Variants in PTPN9 observed in about 807,000 individuals in gnomAD.
The protein encoded by PTPN9 is tyrosine-protein phosphatase non-receptor type 9.
A neutral mutation model predicts 69.8 loss-of-function variants in PTPN9; 26 were observed. The ratio of observed to expected loss-of-function variants is 0.37; its 90% confidence interval spans 0.27 to 0.52. PTPN9 has a LOEUF of 0.52. Among genes scored for constraint, PTPN9 ranks in the 20% least tolerant of loss-of-function variants. PTPN9 has a pLI of 0.91. For synonymous variants in PTPN9, 274 were observed against 272.5 expected, an observed-to-expected ratio of 1.01 and a Z score of -0.05; for missense variants, 549 against 740.3, an observed-to-expected ratio of 0.74 and a Z score of 3.00.
intron 9 of PTPN9, 44 bp downstream of exon 9, chr15:75,479,804 A>T (rs199786718): frequency 6.7e-7 from 1 of 1,486,604 alleles, no homozygotes; most frequent in African/African-American, 1.4e-5. Flanking sequence ...AGGAATCATA[A>T]GTAGATGGCA....
chr15:75,490,861 A>C (rs2074705496), intron 7 of PTPN9, among the ~76,000 whole-genome samples: 1 of 152,000 alleles, frequency 6.6e-6, no homozygotes. Flanking sequence ...TCCTGACCTC[A>C]TGATCTGCCC....
intron 7 of PTPN9, among the ~76,000 whole-genome samples, chr15:75,503,427 C>A (rs1186518308): frequency 1.4e-5 from 2 of 142,708 alleles, no homozygotes; most frequent in Non-Finnish European, 1.5e-5. Context: ...AAGTGAGGAG[C>A]CCCTCCGCCC....
chr15:75,500,961 T>G (rs942501511), intron 7 of PTPN9, among the ~76,000 whole-genome samples: 28 of 152,184 alleles, frequency 1.8e-4, no homozygotes, highest in African/African-American at 6.7e-4. Context: ...AATAGGGGTC[T>G]GGAGCTGGTA....
chr15:75,539,018 A>AAAAG lies in PTPN9; in HGVS notation c.64-11761_64-11758dup, dbSNP rs140854456. 6.9e-3 allele frequency among the ~76,000 whole-genome samples: 1,047 copies of AAAAG among 152,154 alleles called. 10 individuals are homozygous for AAAAG. Among genetic ancestry groups the AAAAG allele is most frequent in the Non-Finnish European group, 9.5e-3 (646 of 67,998 alleles). ...GACCCAGTCTCTATAAAAAAAATAA[A>AAAAG]AAAGAAAGAAAGAAAGAAAGAAAGA... On this transcript the variant is annotated intron_variant, in intron 1 of 12. Transcript: ENST00000618819.
chr15:75,523,279 T>C, intron 3 of PTPN9, 34 bp from the exon 4 acceptor site: 3 of 1,604,222 alleles, frequency 1.9e-6, no homozygotes, highest in African/African-American at 2.7e-5. Context: ...ATTAAAAAAA[T>C]CAAATAGAAA....
chr15:75,560,431 T>C (rs1466166600), intron 1 of PTPN9, among the ~76,000 whole-genome samples: 1 of 152,200 alleles, frequency 6.6e-6, no homozygotes, highest in African/African-American at 2.4e-5. Flanking sequence ...GCCTCCTTAG[T>C]GAGGCAAATG....
chr15:75,535,218 G>A lies in PTPN9; in HGVS notation c.64-7957C>T, dbSNP rs1000756343. Among the ~76,000 whole-genome samples, 21 of 152,048 alleles carry A rather than the reference G, an allele frequency of 1.4e-4. No individual in the cohort carries two copies. In the South Asian group the frequency reaches 1.5e-3, roughly 11 times the overall value. On this transcript the variant is annotated intron_variant, in intron 1 of 12. Transcript: ENST00000618819. ...TCACTATGTTGGCCAGGATGGTCTC[G>A]ATCCCTTGACCTCGTGATCCACCTG...
At chr15:75,476,115 C>T (rs1488664329) in intron 9 of PTPN9, among the ~76,000 whole-genome samples, 1 of 152,128 alleles carries the variant, frequency 6.6e-6, no homozygotes, top group Non-Finnish European at 1.5e-5. Flanking sequence ...CATGATCATA[C>T]CACTCTGTCA....
At chr15:75,569,201 A>T (rs918341873) in intron 1 of PTPN9, among the ~76,000 whole-genome samples, 1 of 152,188 alleles carries the variant, frequency 6.6e-6, no homozygotes, top group Non-Finnish European at 1.5e-5. Context: ...GTTGTATCTG[A>T]ACAAATAATC....
chr15:75,478,468 C>T (rs918055349), intron 9 of PTPN9, among the ~76,000 whole-genome samples: 3 of 152,180 alleles, frequency 2.0e-5, no homozygotes, highest in Admixed American at 1.3e-4. Flanking sequence ...TGCAGTGGCA[C>T]GATCTCGGCT....
At chr15:75,485,889 A>G (rs2074673010) in intron 8 of PTPN9, among the ~76,000 whole-genome samples, 1 of 151,142 alleles carries the variant, frequency 6.6e-6, no homozygotes, top group Non-Finnish European at 1.5e-5. Context: ...TCACGAGGTC[A>G]GGAGATCAAG....
chr15:75,550,538 A>G (rs1299072769), intron 1 of PTPN9, among the ~76,000 whole-genome samples: 1 of 150,516 alleles, frequency 6.6e-6, no homozygotes, highest in East Asian at 2.0e-4. Context: ...CTGTAATCCC[A>G]GCACTTTGGG....
At position 75,470,809 on chromosome 15, in the gene PTPN9, T is replaced by C. The variant is rs373485240; in HGVS notation, c.1230A>G (p.Arg410=). 6.9e-5 allele frequency: 111 copies of C among 1,613,934 alleles called. No individual in the cohort carries two copies. Among genetic ancestry groups the C allele is most frequent in the Admixed American group, 1.0e-4 (6 of 59,950 alleles). The change falls in exon 11 of 13, where the codon AGA becomes AGG. Residue 410 remains arginine, a synonymous_variant. Transcript: ENST00000618819. ...MTTRFEEGGR[R]KCGQYWPLEK... ...CTAAAGGCCAGTACTGGCCACACTT[T>C]CTCCTGCCGCCTTCCTCAAAGCTGA...
At chr15:75,572,646 C>A (rs936053911) in intron 1 of PTPN9, among the ~76,000 whole-genome samples, 1 of 151,686 alleles carries the variant, frequency 6.6e-6, no homozygotes, top group Non-Finnish European at 1.5e-5. Context: ...ACCCAGAAGG[C>A]GGAGGTTGCA....
chr15:75,548,318 C>T (rs552228096), intron 1 of PTPN9, among the ~76,000 whole-genome samples: 4 of 151,268 alleles, frequency 2.6e-5, no homozygotes, highest in South Asian at 4.2e-4. Flanking sequence ...TGCAATGGGA[C>T]GATCTCGGCT....
chr15:75,507,446 C>CAA (rs762520293), intron 6 of PTPN9, among the ~76,000 whole-genome samples: 155 of 89,160 alleles, frequency 1.7e-3, no homozygotes, highest in African/African-American at 5.9e-3. Context: ...AACTCTGTCG[C>CAA]AAAAAAAAAA....
intron 7 of PTPN9, among the ~76,000 whole-genome samples, chr15:75,494,853 G>A (rs1288312878): frequency 2.0e-5 from 3 of 151,606 alleles, no homozygotes; most frequent in Non-Finnish European, 4.4e-5. Flanking sequence ...GTGAAACTCC[G>A]TTTCTACCAC....
intron 10 of PTPN9, among the ~76,000 whole-genome samples, chr15:75,471,767 T>C (rs187338481): frequency 6.6e-6 from 1 of 151,836 alleles, no homozygotes; most frequent in African/African-American, 2.4e-5. Context: ...ATACAAAAAT[T>C]AGCCAGGCAT....
chr15:75,534,337 T>A (rs2074974285), intron 1 of PTPN9, among the ~76,000 whole-genome samples: 1 of 152,162 alleles, frequency 6.6e-6, no homozygotes, highest in Admixed American at 6.6e-5. Context: ...ATCAATGCAA[T>A]CTCTCTAATC....
Sources: allele counts gnomAD v4.1 joint callset (sites outside exome capture counted in the v4.1 genomes callset), GRCh38; gene constraint gnomAD v4.1.1; transcripts MANE v1.5; gene names NCBI Gene and HGNC (gene_info 2026-07-23, HGNC 2026-07-21).